Variants in RFX1 observed in about 807,000 individuals in gnomAD.
RFX1 encodes the protein regulatory factor X1, also known as MHC class II regulatory factor RFX1.
RFX1 carries 42 observed loss-of-function variants against 119.6 expected under a neutral mutation model. That is an observed-to-expected ratio of 0.35 (90% confidence interval 0.27 to 0.45). RFX1 has a LOEUF of 0.45. Among genes scored for constraint, RFX1 ranks in the 20% least tolerant of loss-of-function variants. RFX1 has a pLI of 1.00. For synonymous variants in RFX1, 628 were observed against 618.5 expected (o/e 1.02, Z -0.23); for missense variants, 1,118 against 1,368.1 (o/e 0.82, Z 2.88).
chr19:13,993,818 A>G lies in RFX1; in HGVS notation c.26T>C (p.Leu9Pro), dbSNP rs750034252. The change falls in exon 2 of 21, where the codon CTA becomes CCA. Residue 9 changes from leucine to proline, a missense_variant. By Grantham distance (98) the Leu-to-Pro change is moderately conservative (BLOSUM62 -3). This residue lies in a region of RFX1 where 542 missense variants were observed against 602.7 expected (regional missense o/e 0.90). Coordinates refer to ENST00000254325, the MANE Select transcript of RFX1 (RefSeq NM_002918.5). Reference protein sequence around the residue: MATQAYTELQAAPPPSQPP... With the variant: MATQAYTEPQAAPPPSQPP... ...CTGGGATGGTGGCGGGGCTGCCTGT[A>G]GCTCAGTATACGCCTGTGTTGCCAT... is the stretch of plus-strand genomic sequence containing the variant. 3.1e-6 allele frequency: 5 copies of G among 1,596,786 alleles called. No homozygotes were observed. The South Asian group carries it at 4.5e-5, about 14-fold the overall frequency.
Position 13,966,671 on chromosome 19 carries a change from T to C in RFX1, c.1813A>G (p.Ile605Val). 1 of 1,610,482 alleles carries C rather than the reference T, an allele frequency of 6.2e-7. No homozygotes were observed. Residue 605 changes from isoleucine to valine, a missense_variant, in exon 13 of 21, where the codon ATC becomes GTC. By Grantham distance (29) the Ile-to-Val change is conservative (BLOSUM62 3). Coordinates refer to ENST00000254325, the MANE Select transcript of RFX1 (RefSeq NM_002918.5). This position sits in a 1 kb window ranked among gnomAD's most constrained non-coding sequence, Gnocchi z 6.3. ...VLPEGVGPGD[I>V]KAFQVLYREH... ...CGGTACAGGACCTGGAAGGCTTTGA[T>C]GTCCCCGGGCCCGACGCCCTCAGGC...
intron 5 of RFX1, 102 bp downstream of exon 5, chr19:13,982,019 G>A: frequency 4.4e-6 from 2 of 458,664 alleles, no homozygotes; most frequent in South Asian, 2.3e-4. Flanking sequence ...GGAGCAAGTG[G>A]GCTTGGGGGG....
At chr19:13,993,941 CA>C in intron 1 of RFX1, 46 bp from the exon 2 acceptor site, 3 of 1,053,506 alleles carry the variant, frequency 2.8e-6, no homozygotes, top group Non-Finnish European at 4.1e-6. Flanking sequence ...CAAAACAAAA[CA>C]AAAGAAGGAA....
intron 9 of RFX1, among the ~76,000 whole-genome samples, chr19:13,970,697 A>G (rs886691990): frequency 1.4e-5 from 2 of 148,038 alleles, no homozygotes; most frequent in Non-Finnish European, 3.0e-5. Flanking sequence ...AAAAAAAAAA[A>G]TTAGCAGGAC....
chr19:13,990,343 G>C lies in RFX1; in HGVS notation c.319+3182C>G, dbSNP rs1418798360. Reference sequence around the variant, plus strand: ...CACAAGAGGGGATCTTTGGGAAAAAGGGGGCCAGCTGCAGGGGGTCCAGCA... The same window carrying C: ...CACAAGAGGGGATCTTTGGGAAAAACGGGGCCAGCTGCAGGGGGTCCAGCA... On this transcript the variant is annotated intron_variant, in intron 2 of 20. Transcript: ENST00000254325. The surrounding 1 kb of genome is among the most constrained non-coding windows in gnomAD (Gnocchi z 4.1). 2.0e-5 allele frequency among the ~76,000 whole-genome samples: 3 copies of C among 152,190 alleles called. No homozygotes were observed. Among genetic ancestry groups the C allele is most frequent in the African/African-American group, 7.2e-5 (3 of 41,522 alleles).
rs1973922194 is a variant in RFX1 at position 13,966,930 on chromosome 19, C to A, written c.1733-179G>T. ...GGGCCCAGGAGTGAGGGCCCACACTCCTCTGGCAGAGAGGACAGGAGGGTC... is the reference window on the plus strand; with the variant it reads ...GGGCCCAGGAGTGAGGGCCCACACTACTCTGGCAGAGAGGACAGGAGGGTC... On this transcript the variant is annotated intron_variant, in intron 12 of 20. Transcript: ENST00000254325. The surrounding 1 kb of genome is among the most constrained non-coding windows in gnomAD (Gnocchi z 6.3). Among the ~76,000 whole-genome samples the A allele has an allele frequency of 6.6e-6, 1 of 152,208 alleles. No homozygotes were observed. Among genetic ancestry groups the A allele is most frequent in the South Asian group, 2.1e-4 (1 of 4,834 alleles).
At chr19:13,964,097 T>C in intron 16 of RFX1, 90 bp from the exon 17 acceptor site, 2 of 1,323,640 alleles carry the variant, frequency 1.5e-6, no homozygotes, top group Non-Finnish European at 2.0e-6. Context: ...CCTAAGCCTG[T>C]TTCCTTTTTC....
rs7247073 is a variant in RFX1, at chr19:13,978,343, G to A, written c.835-257C>T. The stretch of plus-strand genomic sequence containing the variant: ...GCCTGACGGACAGTGGAGGGGACCC[G>A]AGACAGGGTCCTGTAGTGGGCGTGA... On this transcript the variant is annotated intron_variant, in intron 7 of 20. Transcript: ENST00000254325. Among the ~76,000 whole-genome samples, 3 of 152,206 alleles carry A rather than the reference G, an allele frequency of 2.0e-5. 1 individual carries two copies. Among genetic ancestry groups the A allele is most frequent in the African/African-American group, 4.8e-5 (2 of 41,526 alleles).
rs550971344 is a variant in RFX1, at chr19:13,967,053, G to A, written c.1733-302C>T. Among the ~76,000 whole-genome samples the A allele has an allele frequency of 9.2e-5, 14 of 152,332 alleles. No individual in the cohort carries two copies. The South Asian group carries it at 2.5e-3, about 27-fold the overall frequency. On this transcript the variant is annotated intron_variant, in intron 12 of 20. Coordinates refer to ENST00000254325, the MANE Select transcript of RFX1 (RefSeq NM_002918.5). ...GCTGCAACACAGCACCCACCTGGCC[G>A]GGGAATGGGTAGGCACCCAGGGCAC... is the stretch of plus-strand genomic sequence containing the variant.
chr19:13,983,938 G>A (rs762415813), intron 2 of RFX1, among the ~76,000 whole-genome samples: 1 of 152,210 alleles, frequency 6.6e-6, no homozygotes, highest in Non-Finnish European at 1.5e-5. Context: ...TGGACAGGCA[G>A]GGAACTGACT....
At position 13,968,539 on chromosome 19, in the gene RFX1, G is replaced by C. The variant is rs1396899868; in HGVS notation, c.1732+26C>G. 1 of 1,572,970 alleles carries C rather than the reference G, an allele frequency of 6.4e-7. No individual in the cohort carries two copies. Among genetic ancestry groups the C allele is most frequent in the South Asian group, 1.1e-5 (1 of 90,240 alleles). ...CACGGGGCAGGGAGGCGGTGGTTGG[G>C]GAAGCACGGGCCAGGGAGCTCTCAC... On this transcript the variant is annotated intron_variant, in intron 12 of 20. Coordinates refer to ENST00000254325, the MANE Select transcript of RFX1 (RefSeq NM_002918.5). The surrounding 1 kb of genome is among the most constrained non-coding windows in gnomAD (Gnocchi z 5.5).
chr19:13,999,609 T>A (rs1054862242), intron 1 of RFX1, among the ~76,000 whole-genome samples: 2 of 152,134 alleles, frequency 1.3e-5, no homozygotes, highest in Non-Finnish European at 2.9e-5. Flanking sequence ...AATGTAAAAA[T>A]CATTCTTAGC....
intron 5 of RFX1, among the ~76,000 whole-genome samples, chr19:13,981,727 T>G (rs1211921777): frequency 6.6e-6 from 1 of 152,224 alleles, no homozygotes; most frequent in African/African-American, 2.4e-5. Flanking sequence ...CTCATTGGTG[T>G]TGTGGGTCCC....
intron 7 of RFX1, 106 bp downstream of exon 7, chr19:13,979,341 A>G (rs1451807749): frequency 4.3e-6 from 3 of 696,972 alleles, no homozygotes; most frequent in Non-Finnish European, 7.0e-6. Context: ...CAGTGTCTGC[A>G]GCTCACAGAG....
At chr19:13,998,565 A>G (rs1041027268) in intron 1 of RFX1, among the ~76,000 whole-genome samples, 1 of 152,172 alleles carries the variant, frequency 6.6e-6, no homozygotes, top group African/African-American at 2.4e-5. Context: ...GTTATTATTC[A>G]TTCAACAAAT....
rs1050210225 is a variant in RFX1, at chr19:13,962,320, A to G, written c.*375T>C. 17 of 245,068 alleles carry G rather than the reference A, an allele frequency of 6.9e-5. 1 individual carries two copies. The highest frequency in any genetic ancestry group is 4.2e-4 in the South Asian group (7 of 16,806). The allele number at this position is 245,068 out of a possible 1,614,324, so 15.2% of individuals were successfully genotyped here. A position where few individuals can be genotyped will look rare whatever the true frequency, so the allele number is the denominator to read the frequency against. ...AGGCTGTGCAAAGCCAGCGAGCTGA[A>G]TAAGTTAACAGTTTCGCACGGGAGG... On this transcript the variant is annotated 3_prime_UTR_variant, in exon 21 of 21. Transcript: ENST00000254325.
rs998382574 is a variant in RFX1 at position 13,979,436 on chromosome 19, G to C, written c.834+11C>G. The C allele has an allele frequency of 1.3e-6, 2 of 1,553,032 alleles. No individual in the cohort carries two copies. The highest frequency in any genetic ancestry group is 1.4e-5 in the African/African-American group (1 of 72,888). The stretch of plus-strand genomic sequence containing the variant: ...CCCTTTGCCCGTGGGGTAGGAGGGG[G>C]AGACACACACCTCTTGAGCCACGTG... On this transcript the variant is annotated intron_variant, in intron 7 of 20. Transcript: ENST00000254325.
chr19:14,005,870 A>G (rs527842053), intron 1 of RFX1, among the ~76,000 whole-genome samples: 2 of 134,418 alleles, frequency 1.5e-5, no homozygotes, highest in African/African-American at 2.9e-5. Flanking sequence ...GCCGACCTCC[A>G]CTCGCCGCGG....
Position 13,980,834 on chromosome 19 carries a change from C to A in RFX1, c.622-145G>T. On this transcript the variant is annotated intron_variant, in intron 5 of 20. Coordinates refer to ENST00000254325, the MANE Select transcript of RFX1 (RefSeq NM_002918.5). The surrounding 1 kb of genome is among the most constrained non-coding windows in gnomAD (Gnocchi z 5.1). ...CTATCCCAACCACCGAGGCTGGTAA[C>A]TGACCGCGTCCCACGCATCCAAATG... 1.7e-6 allele frequency: 1 copy of A among 579,042 alleles called. No individual in the cohort carries two copies. Among genetic ancestry groups the A allele is most frequent in the Non-Finnish European group, 3.1e-6 (1 of 325,666 alleles). The allele number at this position is 579,042 out of a possible 1,614,324, so 35.9% of individuals were successfully genotyped here. A position where few individuals can be genotyped will look rare whatever the true frequency, so the allele number is the denominator to read the frequency against.
Sources: allele counts gnomAD v4.1 joint callset (sites outside exome capture counted in the v4.1 genomes callset), GRCh38; gene constraint gnomAD v4.1.1; regional missense constraint gnomAD v4.1.1; non-coding constraint Gnocchi (gnomAD v3.1); transcripts MANE v1.5; gene names NCBI Gene and HGNC (gene_info 2026-07-23, HGNC 2026-07-21).